PHACTR2: variants seen among roughly 807,000 people sequenced by gnomAD.
PHACTR2 encodes the protein chromosome 6 open reading frame 56.
Under a neutral mutation model 76.0 loss-of-function variants are expected in PHACTR2, and 30 were observed. That is an observed-to-expected ratio of 0.39 (90% CI 0.30 to 0.54). The LOEUF (loss-of-function observed/expected upper bound fraction) is 0.54. Ranked by LOEUF, PHACTR2 falls within the 20% of genes least tolerant of loss-of-function variation. The probability of loss-of-function intolerance (pLI) is 0.61; values close to 1 mark genes in which losing one functional copy is unlikely to be tolerated. For synonymous variants in PHACTR2, 292 were observed against 292.5 expected (o/e 1.00, Z 0.02); for missense variants, 696 against 781.1 (o/e 0.89, Z 1.30).
In PHACTR2 at chr6:143,710,259, A is replaced by C. The variant is rs560498316; in HGVS notation, c.47-1757A>C. On this transcript the variant is annotated intron_variant, in intron 1 of 12. Transcript: ENST00000440869. This position sits in a 1 kb window ranked among gnomAD's most constrained non-coding sequence, Gnocchi z 4.9. ...ATTTGAGGCAAAAAGAAAACCCAGG[A>C]ATCTCACCACCGTGTTGTTTCTTGG... 6.4e-4 allele frequency among the ~76,000 whole-genome samples: 98 copies of C among 152,266 alleles called. No individual in the cohort carries two copies. The highest frequency in any genetic ancestry group is 2.2e-3 in the African/African-American group (90 of 41,544).
rs543167336 is a variant in PHACTR2 at position 143,819,502 on chromosome 6, G to A, written c.1923-4172G>A. 2.0e-5 allele frequency among the ~76,000 whole-genome samples: 3 copies of A among 152,304 alleles called. No individual in the cohort carries two copies. The South Asian group carries it at 6.2e-4, about 32-fold the overall frequency. On this transcript the variant is annotated intron_variant, in intron 12 of 12. Transcript: ENST00000440869. This position sits in a 1 kb window ranked among gnomAD's most constrained non-coding sequence, Gnocchi z 5.0. The stretch of plus-strand genomic sequence containing the variant: ...TGATAATGGATGCTGAGAAGTCCCA[G>A]AACAGGCTGTCGGCAACCTGGAGAC...
At position 143,680,911 on chromosome 6, in the gene PHACTR2, A is replaced by G. The variant is rs895950261; in HGVS notation, c.46+2702A>G. On this transcript the variant is annotated intron_variant, in intron 1 of 12. Transcript: ENST00000440869. This position sits in a 1 kb window ranked among gnomAD's most constrained non-coding sequence, Gnocchi z 4.5. ...AGTTAGCATAATGTTTTCAAGGGTC[A>G]TCCATGTTGTAGCATGTATCAGTTG... Among the ~76,000 whole-genome samples the G allele has an allele frequency of 2.6e-5, 4 of 152,218 alleles. No individual in the cohort carries two copies. Among genetic ancestry groups the G allele is most frequent in the Non-Finnish European group, 5.9e-5 (4 of 68,016 alleles).
rs576380503 is a variant in PHACTR2, at chr6:143,767,246, A to G, written c.1232+1448A>G. Among the ~76,000 whole-genome samples, 3 of 152,320 alleles carry G rather than the reference A, an allele frequency of 2.0e-5. No homozygotes were observed. The highest frequency in any genetic ancestry group is 7.2e-5 in the African/African-American group (3 of 41,574). ...AGAGAGCTAAAATAGTTTGCACCAG[A>G]CTGCCCAGTTGGTGGTGGTGAAGCC... is the stretch of plus-strand genomic sequence containing the variant. On this transcript the variant is annotated intron_variant, in intron 6 of 12. Transcript: ENST00000440869. The surrounding 1 kb of genome is among the most constrained non-coding windows in gnomAD (Gnocchi z 4.4).
intron 2 of PHACTR2, among the ~76,000 whole-genome samples, chr6:143,744,357 T>G (rs2128468685): frequency 6.6e-6 from 1 of 152,326 alleles, no homozygotes; most frequent in South Asian, 2.1e-4. Context: ...ATACACATAT[T>G]TTTTCAAAGC....
At chr6:143,657,735 A>G (rs1489160805) in intron 1 of PHACTR2, among the ~76,000 whole-genome samples, 3 of 152,148 alleles carry the variant, frequency 2.0e-5, no homozygotes, top group Non-Finnish European at 4.4e-5. Context: ...TACTGGCGTG[A>G]GATTGTCTGT....
At chr6:143,673,380 G>A (rs1019723747), upstream of PHACTR2, among the ~76,000 whole-genome samples, 1 of 151,578 alleles carries the variant, frequency 6.6e-6, no homozygotes, top group Non-Finnish European at 1.5e-5. Flanking sequence ...TAACATAAAT[G>A]CTTATTTTTA....
Position 143,753,977 on chromosome 6 carries a change from T to C in PHACTR2, c.454+65T>C. On this transcript the variant is annotated intron_variant, in intron 4 of 12. Transcript: ENST00000440869. The surrounding 1 kb of genome is among the most constrained non-coding windows in gnomAD (Gnocchi z 4.6). The stretch of plus-strand genomic sequence containing the variant: ...TAGCTCAATGTCTAGAACCAGCACT[T>C]AGGCTCCAACTAGTGACTCTAAAAC... 1 of 1,138,284 alleles carries C rather than the reference T, an allele frequency of 8.8e-7. No homozygotes were observed. Among genetic ancestry groups the C allele is most frequent in the African/African-American group, 1.6e-5 (1 of 63,438 alleles). 70.5% of individuals were successfully genotyped at this position (1,138,284 alleles called of 1,614,324 possible). A position where few individuals can be genotyped will look rare whatever the true frequency, so the allele number is the denominator to read the frequency against.
chr6:143,741,998 G>A lies in PHACTR2; in HGVS notation c.215-6987G>A, dbSNP rs779141797. Among the ~76,000 whole-genome samples the A allele has an allele frequency of 2.6e-3, 388 of 152,018 alleles. 2 individuals carry two copies. Among genetic ancestry groups the A allele is most frequent in the Non-Finnish European group, 4.7e-3 (318 of 67,932 alleles). ...CGGGCACCTGTAATCCCAGCTACTTGGGAGGCTGAGGCAGGAGAATTGCCT... is the reference window on the plus strand; with the variant it reads ...CGGGCACCTGTAATCCCAGCTACTTAGGAGGCTGAGGCAGGAGAATTGCCT... On this transcript the variant is annotated intron_variant, in intron 2 of 12. Transcript: ENST00000440869.
rs1404261552 is a variant in PHACTR2 at position 143,619,295 on chromosome 6, G to C, written c.13+10973G>C. Among the ~76,000 whole-genome samples, 1 of 152,106 alleles carries C rather than the reference G, an allele frequency of 6.6e-6. No homozygotes were observed. Among genetic ancestry groups the C allele is most frequent in the Non-Finnish European group, 1.5e-5 (1 of 68,024 alleles). ...TTCAGAATCTCCCATGGGAAGAAAG[G>C]GGTACTTTTAAGAAATGCTTCACAG... On this transcript the variant is annotated intron_variant, in intron 1 of 11. Transcript: ENST00000305766. The surrounding 1 kb of genome is among the most constrained non-coding windows in gnomAD (Gnocchi z 4.5).
Position 143,550,778 on chromosome 6 carries a change from C to T in PHACTR2, c.217+13571C>T, listed in dbSNP as rs1286303745. Among the ~76,000 whole-genome samples the T allele has an allele frequency of 6.6e-6, 1 of 151,666 alleles. No individual in the cohort carries two copies. The highest frequency in any genetic ancestry group is 1.5e-5 in the Non-Finnish European group (1 of 67,956). On this transcript the variant is annotated intron_variant, in intron 1 of 11. Transcript: ENST00000367584. This position sits in a 1 kb window ranked among gnomAD's most constrained non-coding sequence, Gnocchi z 4.8. ...TTAGGGGCGAGTGCGGTGGCTCACGCCTGTAATCCTAGCACTTTAGGAGGC... is the reference window on the plus strand; with the variant it reads ...TTAGGGGCGAGTGCGGTGGCTCACGTCTGTAATCCTAGCACTTTAGGAGGC...
intron 1 of PHACTR2, among the ~76,000 whole-genome samples, chr6:143,579,159 C>T (rs1185006575): frequency 6.6e-6 from 1 of 152,188 alleles, no homozygotes; most frequent in African/African-American, 2.4e-5. Context: ...CCACCTTGGC[C>T]TCCCAAAGTG....
rs376648985 is a variant in PHACTR2, at chr6:143,627,491, C to A, written c.13+19169C>A. Among the ~76,000 whole-genome samples the A allele has an allele frequency of 1.3e-5, 2 of 152,110 alleles. No individual in the cohort carries two copies. The highest frequency in any genetic ancestry group is 4.1e-4 in the South Asian group (2 of 4,832). On this transcript the variant is annotated intron_variant, in intron 1 of 11. Transcript: ENST00000305766. The surrounding 1 kb of genome is among the most constrained non-coding windows in gnomAD (Gnocchi z 4.3). ...GCCTTGCGGAATTCAAGAGTCTTTC[C>A]CCATCTTTTAATTTTTGTATTAAGG...
chr6:143,566,821 A>G (rs899495636), intron 1 of PHACTR2, among the ~76,000 whole-genome samples: 1 of 150,872 alleles, frequency 6.6e-6, no homozygotes, highest in Non-Finnish European at 1.5e-5. Context: ...ACTAAAGAAT[A>G]AGGACTTTTC....
rs1776886079 is a variant in PHACTR2 at position 143,658,318 on chromosome 6, TGAACTTA to T, written c.13+49997_13+50003del. 6.6e-6 allele frequency among the ~76,000 whole-genome samples: 1 copy of T among 152,230 alleles called. No homozygotes were observed. The highest frequency in any genetic ancestry group is 2.4e-5 in the African/African-American group (1 of 41,462). ...GGGAAATTCAGGTGAAACTTAAATA[TGAACTTA>T]AAACTTAACCTGAAGTTGACCTCCT... On this transcript the variant is annotated intron_variant, in intron 1 of 11. Transcript: ENST00000305766. The surrounding 1 kb of genome is among the most constrained non-coding windows in gnomAD (Gnocchi z 4.1).
At chr6:143,588,246 T>C (rs1182343783) in intron 1 of PHACTR2, among the ~76,000 whole-genome samples, 3 of 152,178 alleles carry the variant, frequency 2.0e-5, no homozygotes, top group African/African-American at 7.2e-5. Flanking sequence ...AACTCCAGTA[T>C]GTTGTCAATA....
upstream of PHACTR2, among the ~76,000 whole-genome samples, chr6:143,607,436 A>G (rs1456430543): frequency 6.6e-6 from 1 of 152,260 alleles, no homozygotes; most frequent in African/African-American, 2.4e-5. Flanking sequence ...AAACGAAAGA[A>G]GTGAAGTAGG....
At chr6:143,694,282 T>G (rs6914940) in intron 1 of PHACTR2, among the ~76,000 whole-genome samples, 78,293 of 151,728 alleles carry the variant, frequency 0.52, 20,404 homozygotes, top group African/African-American at 0.6. Context: ...AGGAAATAAA[T>G]AAAGAAAGAA....
upstream of PHACTR2, among the ~76,000 whole-genome samples, chr6:143,605,394 A>C (rs1257664328): frequency 6.6e-6 from 1 of 152,210 alleles, no homozygotes; most frequent in African/African-American, 2.4e-5. This position sits in a 1 kb window ranked among gnomAD's most constrained non-coding sequence, Gnocchi z 5.0. Context: ...CCTGGTGAAC[A>C]TTTTATAACC....
rs780237724 is a variant in PHACTR2 at position 143,548,147 on chromosome 6, T to C, written c.217+10940T>C. Among the ~76,000 whole-genome samples, 1 of 152,220 alleles carries C rather than the reference T, an allele frequency of 6.6e-6. No individual in the cohort carries two copies. Among genetic ancestry groups the C allele is most frequent in the Non-Finnish European group, 1.5e-5 (1 of 68,052 alleles). On this transcript the variant is annotated intron_variant, in intron 1 of 11. Transcript: ENST00000367584. This position sits in a 1 kb window ranked among gnomAD's most constrained non-coding sequence, Gnocchi z 4.5. ...CAGTGTTTGGCGAGGGCCTGCTTCC[T>C]GGTTCATAGATGGCCATCTTCTTGC...
Sources: gnomAD v4.1 joint callset for allele counts (sites outside exome capture counted in the v4.1 genomes callset) on GRCh38, gnomAD v4.1.1 for gene constraint, Gnocchi (gnomAD v3.1) non-coding constraint, MANE v1.5 for transcripts, NCBI Gene and HGNC (gene_info 2026-07-23, HGNC 2026-07-21) for gene names.